The following HMCN2 variants were observed in gnomAD, a reference collection of about 807,000 sequenced individuals.
HMCN2 encodes the protein hemicentin-2.
A neutral mutation model predicts 377.5 loss-of-function variants in HMCN2; 325 were observed. The observed-to-expected ratio is 0.86, with a 90% CI of 0.79 to 0.94. The LOEUF (loss-of-function observed/expected upper bound fraction) is 0.94. Ranked by LOEUF, HMCN2 falls within the 40% of genes least tolerant of loss-of-function variation. The pLI, the probability that HMCN2 is intolerant of heterozygous loss-of-function variation, is 0.00. For synonymous variants in HMCN2, 2,007 were observed against 2,046.8 expected, an observed-to-expected ratio of 0.98 and a Z score of 0.53; for missense variants, 4,543 against 4,725.3, an observed-to-expected ratio of 0.96 and a Z score of 1.13.
intron 84 of HMCN2, 58 bp downstream of exon 84, chr9:130,408,991 A>G (rs7042911): frequency 1.0e-5 from 12 of 1,168,960 alleles, no homozygotes; most frequent in Non-Finnish European, 1.3e-5. Context: ...ACGCTTTTTC[A>G]GATTGTTCAA....
intron 8 of HMCN2, among the ~76,000 whole-genome samples, chr9:130,301,368 C>G (rs1408108293): frequency 6.6e-6 from 1 of 152,248 alleles, no homozygotes; most frequent in Non-Finnish European, 1.5e-5. Context: ...TTAGCTCTGG[C>G]TTTTGTTCTC....
At chr9:130,340,566 C>T (rs1838991435) in intron 23 of HMCN2, among the ~76,000 whole-genome samples, 2 of 149,928 alleles carry the variant, frequency 1.3e-5, no homozygotes, top group Admixed American at 1.3e-4. Context: ...GTCACACAGG[C>T]TGGAGTGCAG....
chr9:130,275,113 G>A (rs1368910377), intron 1 of HMCN2, among the ~76,000 whole-genome samples: 3 of 151,724 alleles, frequency 2.0e-5, no homozygotes, highest in Non-Finnish European at 4.4e-5. Flanking sequence ...GCCAGCATCC[G>A]GGACATCACT....
chr9:130,324,835 A>G (rs1230898089), intron 19 of HMCN2, among the ~76,000 whole-genome samples: 5 of 152,120 alleles, frequency 3.3e-5, no homozygotes, highest in African/African-American at 9.6e-5. Context: ...CTGTTGGCCA[A>G]GGTGGTCTCG....
intron 22 of HMCN2, among the ~76,000 whole-genome samples, chr9:130,334,707 T>A (rs1460739955): frequency 7.2e-6 from 1 of 139,688 alleles, no homozygotes; most frequent in African/African-American, 2.7e-5. Context: ...CTTTCTTTCT[T>A]TCTCTCTCTC....
rs534119682 is a variant in HMCN2 at position 130,350,787 on chromosome 9, T to A, written c.4431-636T>A. On this transcript the variant is annotated intron_variant, in intron 29 of 97. Coordinates refer to ENST00000683500, the MANE Select transcript of HMCN2 (RefSeq NM_001291815.2). ...GGCGGTAGTCTGTAGTCTCCTGTAG[T>A]CTCCGCTACTTGGGAGGCCGAGGCA... Among the ~76,000 whole-genome samples the A allele has an allele frequency of 5.9e-5, 9 of 151,464 alleles. No individual in the cohort carries two copies. The East Asian group carries it at 1.8e-3, about 30-fold the overall frequency.
intron 4 of HMCN2, among the ~76,000 whole-genome samples, chr9:130,286,552 C>T (rs950312831): frequency 1.3e-5 from 2 of 152,342 alleles, no homozygotes; most frequent in South Asian, 2.1e-4. Flanking sequence ...CAGGTGCTTC[C>T]GTGTTTCCAG....
Position 130,362,000 on chromosome 9 carries a change from C to T in HMCN2, c.5951-8C>T, listed in dbSNP as rs986571581. The stretch of plus-strand genomic sequence containing the variant: ...CAGCCTGTACCCCATGTCACCCCTG[C>T]CCTGCAGTGCCCCCTCGAATCACAC... On this transcript the variant is annotated splice_region_variant and splice_polypyrimidine_tract_variant and intron_variant, in intron 38 of 97. Coordinates refer to ENST00000683500, the MANE Select transcript of HMCN2 (RefSeq NM_001291815.2). This position sits in a 1 kb window ranked among gnomAD's most constrained non-coding sequence, Gnocchi z 4.8. 283 of 985,930 alleles carry T rather than the reference C, an allele frequency of 2.9e-4. No individual in the cohort carries two copies. The highest frequency in any genetic ancestry group is 6.6e-4 in the South Asian group (14 of 21,294). 61.1% of individuals were successfully genotyped at this position (985,930 alleles called of 1,614,324 possible).
intron 22 of HMCN2, among the ~76,000 whole-genome samples, chr9:130,336,912 T>C (rs1225484850): frequency 1.3e-5 from 2 of 152,110 alleles, no homozygotes; most frequent in Non-Finnish European, 2.9e-5. Flanking sequence ...AGCCCCGTTT[T>C]GCAGAGGAGG....
rs560659665 is a variant in HMCN2 at position 130,272,862 on chromosome 9, A to G, written c.259+6725A>G. On this transcript the variant is annotated intron_variant, in intron 1 of 97. Coordinates refer to ENST00000683500, the MANE Select transcript of HMCN2 (RefSeq NM_001291815.2). ...CCTGAACCACTGCGCCTGGCCGAGC[A>G]TCTTCTTTTTATTCATATTCTTCAT... Among the ~76,000 whole-genome samples, 3 of 152,326 alleles carry G rather than the reference A, an allele frequency of 2.0e-5. No homozygotes were observed. In the East Asian group the frequency reaches 5.8e-4, roughly 29 times the overall value.
chr9:130,433,289 G>A (rs1055739566), intron 97 of HMCN2, 59 bp from the exon 98 acceptor site: 4 of 1,311,582 alleles, frequency 3.0e-6, no homozygotes, highest in Non-Finnish European at 3.9e-6. Flanking sequence ...TTACGCGGAT[G>A]GGCCACGCTC....
chr9:130,350,734 A>AATAT (rs1554950925), intron 29 of HMCN2, among the ~76,000 whole-genome samples: 10 of 148,406 alleles, frequency 6.7e-5, no homozygotes, highest in African/African-American at 2.0e-4. Flanking sequence ...AAAATACAAA[A>AATAT]ATATATATAT....
At position 130,308,675 on chromosome 9, in the gene HMCN2, C is replaced by T. The variant is rs1382079024; in HGVS notation, c.2200+1109C>T. On this transcript the variant is annotated intron_variant, in intron 14 of 97. Transcript: ENST00000683500. The surrounding 1 kb of genome is among the most constrained non-coding windows in gnomAD (Gnocchi z 4.1). Reference sequence around the variant, plus strand: ...CACAGGCTTCTGGACTCCTTCCTCACTGCATATTCTGGCCAAGAACCCCGT... The same window carrying T: ...CACAGGCTTCTGGACTCCTTCCTCATTGCATATTCTGGCCAAGAACCCCGT... 1.3e-5 allele frequency among the ~76,000 whole-genome samples: 2 copies of T among 152,202 alleles called. No homozygotes were observed. The highest frequency in any genetic ancestry group is 4.8e-5 in the African/African-American group (2 of 41,452).
At chr9:130,392,853 G>A (rs917284441) in intron 66 of HMCN2, among the ~76,000 whole-genome samples, 3 of 151,788 alleles carry the variant, frequency 2.0e-5, no homozygotes, top group African/African-American at 4.8e-5. Context: ...AAAATTAGCC[G>A]GGCCTGGTGG....
At chr9:130,356,347 CG>C (rs1840026791) in intron 34 of HMCN2, 90 bp downstream of exon 34, 2 of 1,161,114 alleles carry the variant, frequency 1.7e-6, no homozygotes, top group Non-Finnish European at 2.2e-6. Flanking sequence ...TGGAAGGGCA[CG>C]GGGCTGGTCT....
At chr9:130,395,787 C>T in intron 71 of HMCN2, 137 bp from the exon 72 acceptor site, 2 of 915,264 alleles carry the variant, frequency 2.2e-6, no homozygotes, top group Non-Finnish European at 2.9e-6. Context: ...GGGGCACAGT[C>T]AGGGCCTGCG....
chr9:130,396,075 G>GCCCCCCCCCCCC lies in HMCN2; in HGVS notation c.11053+13_11053+14insCCCCCCCCCCCC. On this transcript the variant is annotated intron_variant, in intron 72 of 97. Coordinates refer to ENST00000683500, the MANE Select transcript of HMCN2 (RefSeq NM_001291815.2). ...CGCGTGGAGATCCACAGTGAGTAGG[G>GCCCCCCCCCCCC]CCCGCCCCACCCCACCCTGCCCACC... is the stretch of plus-strand genomic sequence containing the variant. 1 of 1,243,748 alleles carries GCCCCCCCCCCCC rather than the reference G, an allele frequency of 8.0e-7. No homozygotes were observed. Among genetic ancestry groups the GCCCCCCCCCCCC allele is most frequent in the South Asian group, 1.3e-5 (1 of 77,316 alleles). The allele number at this position is 1,243,748 out of a possible 1,614,324, so 77.0% of individuals were successfully genotyped here.
chr9:130,342,318 G>A (rs1000292901), intron 24 of HMCN2, 32 bp from the exon 25 acceptor site: 12,801 of 152,334 alleles, frequency 0.084, 887 homozygotes, highest in East Asian at 0.4. Flanking sequence ...TTGGGCCCGA[G>A]GTAGGAGTGT....
At position 130,270,545 on chromosome 9, in the gene HMCN2, C is replaced by T. The variant is rs112212949; in HGVS notation, c.259+4408C>T. On this transcript the variant is annotated intron_variant, in intron 1 of 97. Coordinates refer to ENST00000683500, the MANE Select transcript of HMCN2 (RefSeq NM_001291815.2). ...TTGTGCCACTGCCCTCCAGCCTGGG[C>T]GACAGAGCAAGACCCTGTCTCAAAA... Among the ~76,000 whole-genome samples, 52 of 147,074 alleles carry T rather than the reference C, an allele frequency of 3.5e-4. 1 individual carries two copies. The highest frequency in any genetic ancestry group is 1.1e-3 in the African/African-American group (44 of 40,862).
Sources: gnomAD v4.1 joint callset for allele counts (sites outside exome capture counted in the v4.1 genomes callset) on GRCh38, gnomAD v4.1.1 for gene constraint, Gnocchi (gnomAD v3.1) non-coding constraint, MANE v1.5 for transcripts, NCBI Gene and HGNC (gene_info 2026-07-23, HGNC 2026-07-21) for gene names.